STARD13: variants seen among roughly 807,000 people sequenced by gnomAD.
STARD13 encodes the protein StAR related lipid transfer domain containing 13.
In STARD13, 62 loss-of-function variants were observed where a neutral mutation model predicts 106.4. The observed-to-expected ratio is 0.58, with a 90% CI of 0.48 to 0.72. The LOEUF is 0.72. Ranked by LOEUF, STARD13 falls within the 30% of genes least tolerant of loss-of-function variation. STARD13 has a pLI of 0.00. For missense variants in STARD13, 1,387 were observed against 1,424.0 expected (o/e 0.97, Z 0.42); for synonymous variants, 565 against 553.0 (o/e 1.02, Z -0.31).
chr13:33,471,517 T>G, the STARD13 span, among the ~76,000 whole-genome samples: 1 of 152,198 alleles, frequency 6.6e-6, no homozygotes, highest in Non-Finnish European at 1.5e-5. Flanking sequence ...AAGGAATACC[T>G]AATACTCCCT....
At chr13:33,115,011 G>T (rs888433067) in intron 8 of STARD13, among the ~76,000 whole-genome samples, 4 of 152,010 alleles carry the variant, frequency 2.6e-5, no homozygotes, top group African/African-American at 9.7e-5. Context: ...TCATATGGGG[G>T]ATCCTGGCAC....
chr13:33,430,993 A>G, the STARD13 span, among the ~76,000 whole-genome samples: 2 of 152,296 alleles, frequency 1.3e-5, no homozygotes, highest in South Asian at 2.1e-4. Flanking sequence ...AATAAAACCT[A>G]CTATTCTAGA....
intron 1 of STARD13, among the ~76,000 whole-genome samples, chr13:33,315,740 A>G (rs377551004): frequency 2.6e-5 from 4 of 152,328 alleles, no homozygotes; most frequent in African/African-American, 9.6e-5. Context: ...ATTCAACATC[A>G]TCACCATTTC....
chr13:33,384,717 C>T, the STARD13 span, among the ~76,000 whole-genome samples: 1 of 152,154 alleles, frequency 6.6e-6, no homozygotes, highest in Non-Finnish European at 1.5e-5. Context: ...AGTCCTCAAA[C>T]TCTTTGATCT....
At chr13:33,127,879 GTA>G (rs370347480) in intron 5 of STARD13, among the ~76,000 whole-genome samples, 407 of 149,896 alleles carry the variant, frequency 2.7e-3, no homozygotes, top group Middle Eastern at 6.9e-3. Context: ...GTGTGTGTGT[GTA>G]TGTGAGAGAG....
upstream of STARD13, among the ~76,000 whole-genome samples, chr13:33,286,457 A>C (rs1326966762): frequency 3.3e-5 from 5 of 152,220 alleles, no homozygotes; most frequent in African/African-American, 1.2e-4. Context: ...TAAAATACTT[A>C]GAAGGTGCCT....
chr13:33,573,936 C>T, the STARD13 span, among the ~76,000 whole-genome samples: 2 of 151,576 alleles, frequency 1.3e-5, no homozygotes, highest in African/African-American at 4.9e-5. Context: ...ATAATATATT[C>T]AAAAATAACA....
the STARD13 span, among the ~76,000 whole-genome samples, chr13:33,661,715 C>T: frequency 5.3e-5 from 8 of 151,982 alleles, no homozygotes; most frequent in East Asian, 1.9e-4. Flanking sequence ...TGGGAGAAAC[C>T]GCCCCCATGA....
chr13:33,263,785 C>A, intron 1 of STARD13, among the ~76,000 whole-genome samples: 1 of 152,130 alleles, frequency 6.6e-6, no homozygotes, highest in East Asian at 1.9e-4. Context: ...TAGGTGCCAG[C>A]CACATGCCAG....
chr13:33,105,209 A>G lies in STARD13; in HGVS notation c.*384T>C, dbSNP rs1873537582. On this transcript the variant is annotated 3_prime_UTR_variant, in exon 14 of 14. Coordinates refer to ENST00000336934, the MANE Select transcript of STARD13 (RefSeq NM_178006.4). ...ATTCTATATAAAATTGGTATTTTAC[A>G]TATATACAGTAAAGATGGAGATATA... The G allele has an allele frequency of 6.1e-6, 1 of 164,080 alleles. No homozygotes were observed. The highest frequency in any genetic ancestry group is 2.4e-5 in the African/African-American group (1 of 41,754). The allele number at this position is 164,080 out of a possible 1,614,324, so 10.2% of individuals were successfully genotyped here.
chr13:33,532,736 T>C, the STARD13 span, among the ~76,000 whole-genome samples: 1 of 152,212 alleles, frequency 6.6e-6, no homozygotes, highest in Non-Finnish European at 1.5e-5. Flanking sequence ...AAGTTGTACT[T>C]CTGAGCAATT....
At chr13:33,118,347 A>G in intron 7 of STARD13, 84 bp from the exon 8 acceptor site, 1 of 1,193,576 alleles carries the variant, frequency 8.4e-7, no homozygotes, top group South Asian at 1.2e-5. Flanking sequence ...GAACTGGATG[A>G]GCTGGAATTG....
the STARD13 span, among the ~76,000 whole-genome samples, chr13:33,571,115 G>A: frequency 6.6e-6 from 1 of 152,062 alleles, no homozygotes; most frequent in African/African-American, 2.4e-5. Flanking sequence ...TCCTGTGCAC[G>A]TTTTGAATTT....
the STARD13 span, among the ~76,000 whole-genome samples, chr13:33,518,838 C>G: frequency 6.6e-6 from 1 of 150,414 alleles, no homozygotes; most frequent in Non-Finnish European, 1.5e-5. Flanking sequence ...GTCTGTAGGA[C>G]CCTGCTGTTT....
the STARD13 span, among the ~76,000 whole-genome samples, chr13:33,499,600 CTT>C: frequency 8.7e-4 from 57 of 65,818 alleles, 2 homozygotes; most frequent in African/African-American, 3.3e-3. Context: ...TCTTCTTCTT[CTT>C]CTTTCTTCTT....
At chr13:33,320,739 G>C (rs1893528750) in intron 1 of STARD13, among the ~76,000 whole-genome samples, 1 of 152,160 alleles carries the variant, frequency 6.6e-6, no homozygotes, top group African/African-American at 2.4e-5. Flanking sequence ...GGATACTGAG[G>C]AGGGGAGGAC....
the STARD13 span, among the ~76,000 whole-genome samples, chr13:33,365,471 G>A: frequency 1.5e-4 from 23 of 152,178 alleles, no homozygotes; most frequent in African/African-American, 5.1e-4. Flanking sequence ...TACGCTGGAC[G>A]GCGACAGTCG....
At chr13:33,357,004 T>C in the STARD13 span, among the ~76,000 whole-genome samples, 3 of 152,354 alleles carry the variant, frequency 2.0e-5, no homozygotes, top group Admixed American at 1.3e-4. Flanking sequence ...TTAAACTATA[T>C]GTGAGAGTGT....
chr13:33,243,402 G>T (rs1889641877), intron 1 of STARD13, among the ~76,000 whole-genome samples: 1 of 152,176 alleles, frequency 6.6e-6, no homozygotes, highest in African/African-American at 2.4e-5. Flanking sequence ...CACAACCTGT[G>T]AGGAGTGTAG....
Sources: allele counts gnomAD v4.1 joint callset (sites outside exome capture counted in the v4.1 genomes callset), GRCh38; gene constraint gnomAD v4.1.1; transcripts MANE v1.5; gene names NCBI Gene and HGNC (gene_info 2026-07-23, HGNC 2026-07-21).